The following CARD10 variants were observed in gnomAD, a reference collection of about 807,000 sequenced individuals.
CARD10 encodes the protein caspase recruitment domain family member 10.
A neutral mutation model predicts 114.6 loss-of-function variants in CARD10; 49 were observed. The observed-to-expected ratio is 0.43, with a 90% CI of 0.34 to 0.54. The LOEUF (loss-of-function observed/expected upper bound fraction) is 0.54, where lower values mean the gene tolerates loss of function less well. Ranked by LOEUF, CARD10 falls within the 20% of genes least tolerant of loss-of-function variation. The pLI is 0.03. For synonymous variants in CARD10, 602 were observed against 593.2 expected (o/e 1.01, Z -0.21); for missense variants, 1,206 against 1,397.2 (o/e 0.86, Z 2.18).
At chr22:37,510,694 G>A (rs190201603) in intron 3 of CARD10, 22 of 464,256 alleles carry the variant, frequency 4.7e-5, no homozygotes, top group South Asian at 2.9e-4. Flanking sequence ...GCTGCATCAC[G>A]ACACGCTGTC....
At position 37,519,144 on chromosome 22, in the gene CARD10, C is replaced by G. The variant is rs942785717; in HGVS notation, c.57G>C (p.Gly19=). 4 of 1,549,416 alleles carry G rather than the reference C, an allele frequency of 2.6e-6. No homozygotes were observed. In the African/African-American group the frequency reaches 5.5e-5, roughly 21 times the overall value. The change falls in exon 1 of 20, where the codon GGG becomes GGC. Residue 19 remains glycine, a synonymous_variant. Coordinates refer to ENST00000251973, the MANE Select transcript of CARD10 (RefSeq NM_014550.4). The surrounding 1 kb of genome is among the most constrained non-coding windows in gnomAD (Gnocchi z 4.1). ...EAEEEAGAGS[G]SEAEEDALWE... ...ACAGCGCGTCCTCCTCCGCCTCAGA[C>G]CCCGAGCCGGCCCCGGCCTCCTCCT...
chr22:37,508,609 G>A lies in CARD10; in HGVS notation c.983C>T (p.Ala328Val), dbSNP rs139006752. Residue 328 changes from alanine to valine, a missense_variant, in exon 5 of 20, where the codon GCG becomes GTG. Coordinates refer to ENST00000251973, the MANE Select transcript of CARD10 (RefSeq NM_014550.4). ...GCACAGCTCCTGCCTGCTGTCCTGC[G>A]CCTCCCGCCAGTCATGCTCTAGGAT... ...LDILEHDWRE[A>V]QDSRQELCQK... 3,069 of 1,578,920 alleles carry A rather than the reference G, an allele frequency of 1.9e-3. 3 individuals are homozygous for A. Among genetic ancestry groups the A allele is most frequent in the Middle Eastern group, 2.8e-3 (17 of 5,974 alleles).
chr22:37,509,234 C>T, intron 4 of CARD10: 1 of 1,197,664 alleles, frequency 8.3e-7, no homozygotes, highest in African/African-American at 1.6e-5. Flanking sequence ...CAGCTGCTGA[C>T]CTGCCACTGA....
chr22:37,519,025 T>A lies in CARD10; in HGVS notation c.176A>T (p.Glu59Val), dbSNP rs1415512247. 6.3e-7 allele frequency: 1 copy of A among 1,594,696 alleles called. No individual in the cohort carries two copies. Among genetic ancestry groups the A allele is most frequent in the South Asian group, 1.1e-5 (1 of 89,966 alleles). Reference protein sequence around the residue: ...PYLRQCRVIDEQDEEEVLSTY... With the variant: ...PYLRQCRVIDVQDEEEVLSTY... ...GCTCAGCACCTCCTCCTCGTCCTGC[T>A]CGTCGATGACCCGGCACTGGCGCAG... Residue 59 changes from glutamate (E) to valine (V), a missense_variant, in exon 1 of 20, where the codon GAG (glutamate) becomes GTG (valine). By Grantham distance (121) the Glu-to-Val change is moderately radical. Around this residue, in one of 2 missense-constraint regions of CARD10, gnomAD observed 138 missense variants for 218.0 expected, o/e 0.63. Transcript: ENST00000251973. This position sits in a 1 kb window ranked among gnomAD's most constrained non-coding sequence, Gnocchi z 4.1.
At chr22:37,518,171 C>T in intron 1 of CARD10, 63 bp from the exon 2 acceptor site, 2 of 1,547,374 alleles carry the variant, frequency 1.3e-6, no homozygotes, top group Non-Finnish European at 8.8e-7. Flanking sequence ...TGCCTGGTTG[C>T]TTCTGCCCCC....
intron 4 of CARD10, chr22:37,509,209 G>C: frequency 7.3e-7 from 1 of 1,376,650 alleles, no homozygotes; most frequent in Non-Finnish European, 9.5e-7. Context: ...ACAATGGCCA[G>C]GAGGCAGGCC....
At position 37,492,305 on chromosome 22, in the gene CARD10, T is replaced by G. The variant is rs368085191; in HGVS notation, c.2751+130A>C. ...TGAAGGCCACAGGAGGGAAAGGACT[T>G]GGCCAGGGCCGCCCTGCCAGTGAGC... On this transcript the variant is annotated intron_variant, in intron 18 of 19. Transcript: ENST00000251973. The surrounding 1 kb of genome is among the most constrained non-coding windows in gnomAD (Gnocchi z 5.7). The G allele has an allele frequency of 3.9e-5, 27 of 697,248 alleles. No homozygotes were observed. In the African/African-American group the frequency reaches 4.6e-4, roughly 12 times the overall value. The allele number at this position is 697,248 out of a possible 1,614,324, so 43.2% of individuals were successfully genotyped here.
chr22:37,506,942 T>C lies in CARD10; in HGVS notation c.1192-559A>G, dbSNP rs918353834. Among the ~76,000 whole-genome samples the C allele has an allele frequency of 2.6e-5, 4 of 152,110 alleles. No homozygotes were observed. The East Asian group carries it at 7.7e-4, about 29-fold the overall frequency. ...ACGTCCAGAGAATGAAGCCCCAAAT[T>C]TGCACTTTCAAGCTTGCCAGGGGAT... On this transcript the variant is annotated intron_variant, in intron 6 of 19. Transcript: ENST00000251973.
chr22:37,504,332 C>A (rs764928285), intron 8 of CARD10, 31 bp from the exon 9 acceptor site: 2 of 1,422,618 alleles, frequency 1.4e-6, no homozygotes, highest in Non-Finnish European at 1.9e-6. Context: ...CTGGGTCACC[C>A]CCACTGCCCA....
intron 11 of CARD10, among the ~76,000 whole-genome samples, chr22:37,502,095 A>G (rs76045970): frequency 0.031 from 4,733 of 152,272 alleles, 243 homozygotes; most frequent in African/African-American, 0.11. Flanking sequence ...TGCACTCTGC[A>G]CTAATGGGCT....
At chr22:37,507,635 CAGGGTGTA>C (rs1330279657) in intron 6 of CARD10, among the ~76,000 whole-genome samples, 186 bp downstream of exon 6, 1 of 152,202 alleles carries the variant, frequency 6.6e-6, no homozygotes, top group Non-Finnish European at 1.5e-5. Flanking sequence ...CCAGTGGGTC[CAGGGTGTA>C]AGGCTGGTAT....
intron 5 of CARD10, 61 bp downstream of exon 5, chr22:37,508,466 A>G: frequency 6.8e-7 from 1 of 1,479,912 alleles, no homozygotes; most frequent in Non-Finnish European, 9.0e-7. Flanking sequence ...GGAAGGCGTG[A>G]GCACACAGGC....
At position 37,491,198 on chromosome 22, in the gene CARD10, G is replaced by A. The variant is rs563074321; in HGVS notation, c.3060C>T (p.Cys1020=). The part of the protein sequence containing the change: ...QEQARLVWVE[C]GSSRGCPSSS... ...TGCTGGGGCAGCCTCTGCTGCTGCCGCACTCCACCCACACGAGGCGGGCCT... is the reference window on the plus strand; with the variant it reads ...TGCTGGGGCAGCCTCTGCTGCTGCCACACTCCACCCACACGAGGCGGGCCT... Residue 1020 remains cysteine, a synonymous_variant, in exon 20 of 20, where the codon TGC becomes TGT. Transcript: ENST00000251973. 43 of 1,575,992 alleles carry A rather than the reference G, an allele frequency of 2.7e-5. 1 individual carries two copies. Among genetic ancestry groups the A allele is most frequent in the Middle Eastern group, 3.3e-4 (2 of 6,016 alleles).
chr22:37,498,057 A>C (rs183491462), intron 11 of CARD10, among the ~76,000 whole-genome samples: 9 of 152,262 alleles, frequency 5.9e-5, no homozygotes, highest in Admixed American at 1.3e-4. Context: ...GGCTGAAGGA[A>C]TATATCAGAG....
intron 7 of CARD10, among the ~76,000 whole-genome samples, chr22:37,505,529 A>AG (rs909348662): frequency 4.0e-5 from 6 of 151,810 alleles, no homozygotes; most frequent in African/African-American, 1.5e-4. Flanking sequence ...AAAAAAACTT[A>AG]GCTGGGTATG....
At chr22:37,512,576 C>T (rs1263386971) in intron 3 of CARD10, among the ~76,000 whole-genome samples, 2 of 151,946 alleles carry the variant, frequency 1.3e-5, no homozygotes, top group African/African-American at 4.8e-5. Context: ...TCCTCCTCCT[C>T]CGCAAGAGAC....
chr22:37,509,028 G>A, intron 4 of CARD10: 1 of 1,550,178 alleles, frequency 6.5e-7, no homozygotes, highest in African/African-American at 1.4e-5. Flanking sequence ...AGCAGACGGA[G>A]GCCATTCCCA....
intron 2 of CARD10, among the ~76,000 whole-genome samples, chr22:37,517,359 T>C (rs748383117): frequency 9.9e-5 from 15 of 152,204 alleles, no homozygotes; most frequent in Non-Finnish European, 1.9e-4. Context: ...AAAATTCAGC[T>C]AGGCGCAGTG....
Position 37,495,806 on chromosome 22 carries a change from G to T in CARD10, c.2257C>A (p.Leu753Ile), listed in dbSNP as rs1388744142. ...QEWFCTRVDPLTLRDLDRGTV... is the reference protein window; with the variant it reads ...QEWFCTRVDPITLRDLDRGTV... Reference sequence around the variant, plus strand: ...CCCCGGTCCAGGTCCCGCAGAGTGAGGGGGTCAACCCGGGTGCAGAACCAT... The same window carrying T: ...CCCCGGTCCAGGTCCCGCAGAGTGATGGGGTCAACCCGGGTGCAGAACCAT... The change falls in exon 14 of 20, where the codon CTC (leucine) becomes ATC (isoleucine). Residue 753 changes from leucine to isoleucine, a missense_variant. By Grantham distance (5) the Leu-to-Ile change is conservative (BLOSUM62 2). Transcript: ENST00000251973. The T allele has an allele frequency of 1.2e-6, 2 of 1,613,942 alleles. No homozygotes were observed. The highest frequency in any genetic ancestry group is 2.7e-5 in the African/African-American group (2 of 74,960).
Sources: gnomAD v4.1 joint callset for allele counts (sites outside exome capture counted in the v4.1 genomes callset) on GRCh38, gnomAD v4.1.1 for gene constraint, gnomAD v4.1.1 regional missense constraint, Gnocchi (gnomAD v3.1) non-coding constraint, MANE v1.5 for transcripts, NCBI Gene and HGNC (gene_info 2026-07-23, HGNC 2026-07-21) for gene names.